FBN2: variants seen among roughly 807,000 people sequenced by gnomAD.
FBN2 encodes fibrillin 2.
FBN2 carries 105 observed loss-of-function variants against 355.6 expected under a neutral mutation model. The ratio of observed to expected loss-of-function variants is 0.30; its 90% confidence interval spans 0.25 to 0.35. FBN2 has a LOEUF of 0.35. FBN2 is among the 10% of genes least tolerant of loss of function. The pLI is 1.00. For synonymous variants in FBN2, 1,350 were observed against 1,301.2 expected (o/e 1.04, Z -0.81); for missense variants, 3,280 against 3,758.7 (o/e 0.87, Z 3.33).
rs1764880243 is a variant in FBN2, at chr5:128,258,690, T to A, written c.*765A>T. 3 of 152,784 alleles carry A rather than the reference T, an allele frequency of 2.0e-5. No homozygotes were observed. The Admixed American group carries it at 2.0e-4, about 10-fold the overall frequency. 9.5% of individuals were successfully genotyped at this position (152,784 alleles called of 1,614,324 possible). A position where few individuals can be genotyped will look rare whatever the true frequency, so the allele number is the denominator to read the frequency against. On this transcript the variant is annotated 3_prime_UTR_variant, in exon 65 of 65. Coordinates refer to ENST00000262464, the MANE Select transcript of FBN2 (RefSeq NM_001999.4). ...GCAATGCTAATGGTCTCACAAGCAG[T>A]CAAGGTATTTTGCTACAGTGGTTGT... is the stretch of plus-strand genomic sequence containing the variant.
rs562268545 is a variant in FBN2, at chr5:128,395,250, G to A, written c.1103C>T (p.Ser368Leu). ...TGCACAGCGGCCATTCACCAGGCCC[G>A]AGAAACACATGCCTGTTCTCTGATC... ...CIDQRTGMCFSGLVNGRCAQE... is the reference protein window; with the variant it reads ...CIDQRTGMCFLGLVNGRCAQE... The change falls in exon 9 of 65, where the codon TCG (serine) becomes TTG (leucine). Residue 368 changes from serine to leucine, a missense_variant. Ser to Leu is a moderately radical substitution (Grantham distance 145). This residue lies in a region of FBN2 where 343 missense variants were observed against 331.0 expected (regional missense o/e 1.04). Transcript: ENST00000262464. 3.0e-5 allele frequency: 49 copies of A among 1,614,120 alleles called. No homozygotes were observed. The highest frequency in any genetic ancestry group is 3.8e-5 in the Non-Finnish European group (45 of 1,180,000).
rs1554075095 is a variant in FBN2, at chr5:128,514,024, A to ATAAT, written c.628+5248_628+5249insATTA. Among the ~76,000 whole-genome samples the ATAAT allele has an allele frequency of 3.4e-5, 3 of 87,110 alleles. No homozygotes were observed. The African/African-American group carries it at 3.5e-4, about 10-fold the overall frequency. The allele number at this position is 87,110 out of a possible 152,430, so 57.1% of individuals were successfully genotyped here. A position where few individuals can be genotyped will look rare whatever the true frequency, so the allele number is the denominator to read the frequency against. ...TCTTAACGGCCTCACAAGTGCAGAA[A>ATAAT]TGTGTGTGTGTGTGTGTGTGTGCCT... On this transcript the variant is annotated intron_variant, in intron 5 of 64. Coordinates refer to ENST00000262464, the MANE Select transcript of FBN2 (RefSeq NM_001999.4).
chr5:128,345,078 G>C (rs1238398767), intron 24 of FBN2, among the ~76,000 whole-genome samples: 1 of 152,190 alleles, frequency 6.6e-6, no homozygotes, highest in Non-Finnish European at 1.5e-5. Context: ...AGTGGGAATA[G>C]GTAACTTTTT....
chr5:128,259,829 C>T lies in FBN2; in HGVS notation c.8365G>A (p.Val2789Ile). The T allele has an allele frequency of 6.2e-7, 1 of 1,613,364 alleles. No individual in the cohort carries two copies. The highest frequency in any genetic ancestry group is 8.5e-7 in the Non-Finnish European group (1 of 1,179,912). ...ACACTCTCTAGGCTGATCTGTTCAA[C>T]CTGGAGGAAGAACAGGAAATGATTT... ...RSIHEPDPTA[V>I]EQISLESVDM... Residue 2789 changes from valine to isoleucine, a missense_variant and splice_region_variant, in exon 65 of 65, where the codon GTT (valine) becomes ATT (isoleucine). Around this residue, in one of 6 missense-constraint regions of FBN2, gnomAD observed 311 missense variants for 319.1 expected, o/e 0.97. Coordinates refer to ENST00000262464, the MANE Select transcript of FBN2 (RefSeq NM_001999.4).
Position 128,366,437 on chromosome 5 carries a change from G to T in FBN2, c.2249-7C>A, listed in dbSNP as rs770410650. 1.5e-5 allele frequency: 24 copies of T among 1,593,332 alleles called. No individual in the cohort carries two copies. The South Asian group carries it at 2.6e-4, about 17-fold the overall frequency. On this transcript the variant is annotated splice_polypyrimidine_tract_variant and splice_region_variant and intron_variant, in intron 16 of 64. Transcript: ENST00000262464. ...CAAAGGCCGTGGAATTCAGCTGTAT[G>T]ACAAAAAGAAATAGAAGAATTAAAA... is the stretch of plus-strand genomic sequence containing the variant.
At chr5:128,429,415 A>G (rs543583059) in intron 7 of FBN2, among the ~76,000 whole-genome samples, 1 of 152,222 alleles carries the variant, frequency 6.6e-6, no homozygotes, top group African/African-American at 2.4e-5. Context: ...ATCGGAAATG[A>G]AATTTTAATT....
intron 8 of FBN2, among the ~76,000 whole-genome samples, chr5:128,403,764 A>G (rs1472657744): frequency 6.6e-6 from 1 of 151,776 alleles, no homozygotes; most frequent in Non-Finnish European, 1.5e-5. Flanking sequence ...TCTTTCCTGG[A>G]TATATAAAAA....
At chr5:128,447,397 T>G (rs1391496938) in intron 6 of FBN2, among the ~76,000 whole-genome samples, 1 of 152,162 alleles carries the variant, frequency 6.6e-6, no homozygotes, top group Non-Finnish European at 1.5e-5. Context: ...ATGGCTGCTC[T>G]GGGACTGTCT....
chr5:128,493,207 C>T (rs894335637), intron 5 of FBN2, among the ~76,000 whole-genome samples: 1 of 152,064 alleles, frequency 6.6e-6, no homozygotes, highest in African/African-American at 2.4e-5. Flanking sequence ...CACTCTCAAT[C>T]CTCAGTTACA....
chr5:128,505,800 C>G (rs1415301417), intron 5 of FBN2, among the ~76,000 whole-genome samples: 2 of 152,104 alleles, frequency 1.3e-5, no homozygotes, highest in Non-Finnish European at 2.9e-5. Flanking sequence ...ATAAATAATT[C>G]ATTACTTTTT....
At position 128,301,505 on chromosome 5, in the gene FBN2, C is replaced by T; in HGVS notation, c.5923G>A (p.Asp1975Asn). Residue 1975 changes from aspartate (D) to asparagine (N), a missense_variant, in exon 47 of 65, where the codon GAT (aspartate) becomes AAT (asparagine). By Grantham distance (23) the Asp-to-Asn change is conservative (BLOSUM62 1). This residue lies in a region of FBN2 where 2,284 missense variants were observed against 2,749.5 expected (regional missense o/e 0.83). Coordinates refer to ENST00000262464, the MANE Select transcript of FBN2 (RefSeq NM_001999.4). ...LTHNNDCLDI[D>N]ECSSFFGQVC... The stretch of plus-strand genomic sequence containing the variant: ...TGACCAAAAAAGGAACTGCACTCAT[C>T]TATGTCTGTAAGCAAACAGGAGTAT... 6.2e-7 allele frequency: 1 copy of T among 1,613,218 alleles called. No individual in the cohort carries two copies. Among genetic ancestry groups the T allele is most frequent in the Non-Finnish European group, 8.5e-7 (1 of 1,179,726 alleles).
intron 6 of FBN2, among the ~76,000 whole-genome samples, chr5:128,452,656 G>T (rs1754285192): frequency 6.6e-6 from 1 of 152,092 alleles, no homozygotes; most frequent in Non-Finnish European, 1.5e-5. Flanking sequence ...TTCATAGCGT[G>T]TTTTTTAACT....
At chr5:128,428,923 A>G (rs1753549661) in intron 7 of FBN2, among the ~76,000 whole-genome samples, 1 of 152,108 alleles carries the variant, frequency 6.6e-6, no homozygotes, top group South Asian at 2.1e-4. Context: ...TAGGGATAAT[A>G]ACTCCTCTAC....
chr5:128,537,247 C>T, intron 1 of FBN2, 103 bp downstream of exon 1: 1 of 1,525,488 alleles, frequency 6.6e-7, no homozygotes, highest in Non-Finnish European at 8.8e-7. Context: ...CTCTAGGCTC[C>T]AGCTAAAGGG....
At chr5:128,317,300 G>C (rs1223078903) in intron 36 of FBN2, among the ~76,000 whole-genome samples, 2 of 152,102 alleles carry the variant, frequency 1.3e-5, no homozygotes, top group East Asian at 1.9e-4. Flanking sequence ...GTTCACTGTT[G>C]CAACTCCAGC....
At chr5:128,496,364 T>G (rs1263896464) in intron 5 of FBN2, among the ~76,000 whole-genome samples, 15 of 152,044 alleles carry the variant, frequency 9.9e-5, no homozygotes, top group Non-Finnish European at 2.9e-5. Context: ...CCAAGGAATT[T>G]GAGGATATGT....
At chr5:128,388,416 T>C (rs1752422955) in intron 11 of FBN2, among the ~76,000 whole-genome samples, 1 of 152,196 alleles carries the variant, frequency 6.6e-6, no homozygotes, top group African/African-American at 2.4e-5. Flanking sequence ...TTTAATTGTG[T>C]AGTTGCTTTA....
intron 27 of FBN2, among the ~76,000 whole-genome samples, chr5:128,337,624 AG>A (rs1750879844): frequency 6.6e-6 from 1 of 152,256 alleles, no homozygotes; most frequent in African/African-American, 2.4e-5. Context: ...GAGCAGGCAC[AG>A]GGGCGTAGAG....
At chr5:128,381,184 T>G (rs1333282985) in intron 11 of FBN2, among the ~76,000 whole-genome samples, 8 of 152,118 alleles carry the variant, frequency 5.3e-5, no homozygotes, top group African/African-American at 1.9e-4. Context: ...TAACAGCAGT[T>G]TGACTTATAC....
Sources: allele counts gnomAD v4.1 joint callset (sites outside exome capture counted in the v4.1 genomes callset), GRCh38; gene constraint gnomAD v4.1.1; regional missense constraint gnomAD v4.1.1; transcripts MANE v1.5; gene names NCBI Gene and HGNC (gene_info 2026-07-23, HGNC 2026-07-21).